KCNH8: variants seen among roughly 807,000 people sequenced by gnomAD.
KCNH8 encodes potassium voltage-gated channel subfamily H member 8, also known as voltage-gated delayed rectifier potassium channel KCNH8.
Under a neutral mutation model 103.6 loss-of-function variants are expected in KCNH8, and 70 were observed. The observed-to-expected ratio is 0.68, with a 90% CI of 0.56 to 0.82. KCNH8 has a LOEUF of 0.82. KCNH8 is among the 40% of genes least tolerant of loss of function. KCNH8 has a pLI of 0.00. For synonymous variants in KCNH8, 498 were observed against 489.4 expected (o/e 1.02, Z -0.23); for missense variants, 1,217 against 1,329.9 (o/e 0.92, Z 1.32).
intron 2 of KCNH8, among the ~76,000 whole-genome samples, chr3:19,256,376 A>G (rs1409080129): frequency 6.6e-6 from 1 of 152,138 alleles, no homozygotes; most frequent in Non-Finnish European, 1.5e-5. Context: ...AGGCCTACAT[A>G]GCAAATATGA....
At chr3:19,425,722 C>T (rs975796649) in intron 7 of KCNH8, among the ~76,000 whole-genome samples, 22 of 152,024 alleles carry the variant, frequency 1.4e-4, no homozygotes, top group Admixed American at 1.1e-3. Context: ...AAAAACAAAA[C>T]GAACGAAGAA....
intron 5 of KCNH8, among the ~76,000 whole-genome samples, chr3:19,364,425 T>C (rs2065984853): frequency 6.6e-6 from 1 of 152,172 alleles, no homozygotes; most frequent in Non-Finnish European, 1.5e-5. Flanking sequence ...ATTTACAGTG[T>C]CTGTATGCCA....
At chr3:19,213,242 A>G (rs2125226454) in intron 1 of KCNH8, among the ~76,000 whole-genome samples, 1 of 152,248 alleles carries the variant, frequency 6.6e-6, no homozygotes, top group Non-Finnish European at 1.5e-5. Flanking sequence ...CTAAGACAAC[A>G]TTGCAATCCT....
intron 5 of KCNH8, among the ~76,000 whole-genome samples, chr3:19,374,610 G>C (rs1156652228): frequency 6.6e-6 from 1 of 151,858 alleles, no homozygotes; most frequent in Non-Finnish European, 1.5e-5. Flanking sequence ...TTACATTTAA[G>C]GTTAATATTG....
At chr3:19,300,131 C>T (rs549511121) in intron 3 of KCNH8, among the ~76,000 whole-genome samples, 123 of 152,002 alleles carry the variant, frequency 8.1e-4, no homozygotes, top group African/African-American at 2.6e-3. Flanking sequence ...TGCCTGTATG[C>T]TTGGCTACTC....
At chr3:19,297,834 A>G (rs2065015432) in intron 3 of KCNH8, among the ~76,000 whole-genome samples, 1 of 152,228 alleles carries the variant, frequency 6.6e-6, no homozygotes, top group African/African-American at 2.4e-5. Context: ...GCAATGGGCC[A>G]GTATGAGAAC....
intron 3 of KCNH8, among the ~76,000 whole-genome samples, chr3:19,298,674 G>C (rs1283145588): frequency 1.3e-5 from 2 of 152,144 alleles, no homozygotes; most frequent in Non-Finnish European, 2.9e-5. Context: ...TGTAATCCCA[G>C]CACTTTGGGA....
chr3:19,331,249 T>TTTTATTTATTTATTTA (rs71055062), intron 3 of KCNH8, among the ~76,000 whole-genome samples: 19 of 144,610 alleles, frequency 1.3e-4, no homozygotes, highest in East Asian at 4.0e-4. Flanking sequence ...CTTTAATTAT[T>TTTTATTTATTTATTTA]TTTATTTATT....
At chr3:19,428,431 C>T (rs951718507) in intron 7 of KCNH8, among the ~76,000 whole-genome samples, 16 of 152,084 alleles carry the variant, frequency 1.1e-4, no homozygotes, top group African/African-American at 3.9e-4. Context: ...ACATTATTTT[C>T]TACTTACGGA....
intron 11 of KCNH8, among the ~76,000 whole-genome samples, chr3:19,507,298 T>G (rs935522286): frequency 1.3e-5 from 2 of 152,150 alleles, no homozygotes; most frequent in Non-Finnish European, 2.9e-5. Context: ...GGCTGTTGAT[T>G]GCCTCTGGGA....
chr3:19,513,980 T>G (rs2068830938), intron 13 of KCNH8, among the ~76,000 whole-genome samples: 1 of 151,904 alleles, frequency 6.6e-6, no homozygotes, highest in Non-Finnish European at 1.5e-5. Context: ...TGAATAATAA[T>G]AAATAAAAGC....
intron 11 of KCNH8, among the ~76,000 whole-genome samples, chr3:19,462,593 C>T (rs1295834177): frequency 6.6e-6 from 1 of 152,104 alleles, no homozygotes; most frequent in Non-Finnish European, 1.5e-5. Flanking sequence ...CTGTAGGTTG[C>T]CTGTTCACTC....
At chr3:19,225,721 G>A (rs1432984756) in intron 1 of KCNH8, among the ~76,000 whole-genome samples, 1 of 152,054 alleles carries the variant, frequency 6.6e-6, no homozygotes, top group African/African-American at 2.4e-5. Context: ...CTAGAAATTG[G>A]CTTTTCTATC....
At chr3:19,359,775 C>T (rs764203484) in intron 5 of KCNH8, among the ~76,000 whole-genome samples, 1 of 151,832 alleles carries the variant, frequency 6.6e-6, no homozygotes, top group East Asian at 1.9e-4. Context: ...AGTATGCTAA[C>T]GTTTATATAC....
At chr3:19,346,360 A>T in intron 4 of KCNH8, among the ~76,000 whole-genome samples, 1 of 152,072 alleles carries the variant, frequency 6.6e-6, no homozygotes, top group East Asian at 1.9e-4. Flanking sequence ...AGGAGACAGG[A>T]CAAATATGAG....
rs557700958 is a variant in KCNH8 at position 19,182,633 on chromosome 3, C to G, written c.76+33838C>G. ...ATCCTGTGAAGAAGCATGGACTAGC[C>G]TCTAGCACAATGAAAAGACAAATAG... is the stretch of plus-strand genomic sequence containing the variant. On this transcript the variant is annotated intron_variant, in intron 1 of 15. Coordinates refer to ENST00000328405, the MANE Select transcript of KCNH8 (RefSeq NM_144633.3). Among the ~76,000 whole-genome samples, 24 of 152,304 alleles carry G rather than the reference C, an allele frequency of 1.6e-4. No individual in the cohort carries two copies. In the East Asian group the frequency reaches 4.6e-3, roughly 29 times the overall value.
At chr3:19,501,731 C>A (rs1368140170) in intron 11 of KCNH8, among the ~76,000 whole-genome samples, 2 of 152,194 alleles carry the variant, frequency 1.3e-5, no homozygotes, top group Non-Finnish European at 2.9e-5. Context: ...CAACAACCTT[C>A]ATGCTAAAAA....
intron 1 of KCNH8, among the ~76,000 whole-genome samples, chr3:19,186,022 T>A (rs1159601075): frequency 6.6e-6 from 1 of 151,968 alleles, no homozygotes. Flanking sequence ...GGACAAACTT[T>A]AGTGTCTCAT....
At position 19,515,302 on chromosome 3, in the gene KCNH8, A is replaced by G; in HGVS notation, c.2436-20A>G. 7.1e-7 allele frequency: 1 copy of G among 1,413,634 alleles called. No homozygotes were observed. The highest frequency in any genetic ancestry group is 9.8e-7 in the Non-Finnish European group (1 of 1,019,326). 87.6% of individuals were successfully genotyped at this position (1,413,634 alleles called of 1,614,324 possible). ...ATGAATATGAATCCACAGCCAGCCA[A>G]TTTCCTTTATTTTAAGTAGGATTGT... On this transcript the variant is annotated intron_variant, in intron 13 of 15. Transcript: ENST00000328405.
Sources: allele counts gnomAD v4.1 joint callset (sites outside exome capture counted in the v4.1 genomes callset), GRCh38; gene constraint gnomAD v4.1.1; transcripts MANE v1.5; gene names NCBI Gene and HGNC (gene_info 2026-07-23, HGNC 2026-07-21).